KIR2DL3: variants seen among roughly 807,000 people sequenced by gnomAD.
KIR2DL3 encodes the protein killer cell immunoglobulin-like receptor 2DL3.
In KIR2DL3, 39 loss-of-function variants were observed where a neutral mutation model predicts 33.8. The ratio of observed to expected loss-of-function variants is 1.15; its 90% CI spans 0.89 to 1.51. The LOEUF (loss-of-function observed/expected upper bound fraction) is 1.51, where lower values mean the gene tolerates loss of function less well. KIR2DL3 is among the 40% of genes most tolerant of loss of function. KIR2DL3 has a pLI of 0.00. For synonymous variants in KIR2DL3, 174 were observed against 160.2 expected (o/e 1.09, Z -0.65); for missense variants, 462 against 426.2 (o/e 1.08, Z -0.74).
chr19:54,739,623 G>C lies in KIR2DL3; in HGVS notation c.70+81G>C. 2.5e-6 allele frequency: 4 copies of C among 1,610,350 alleles called. No individual in the cohort carries two copies. In the East Asian group the frequency reaches 8.9e-5, roughly 36 times the overall value. On this transcript the variant is annotated intron_variant, in intron 2 of 7. Coordinates refer to ENST00000342376, the MANE Select transcript of KIR2DL3 (RefSeq NM_015868.3). ...GAAACAGGAGGGAAGTCCTGTCGGG[G>C]AGTCTCTCATAAACTAGGAAGAGAG...
At chr19:54,744,874 A>T (rs1165581787) in intron 4 of KIR2DL3, among the ~76,000 whole-genome samples, 9 of 64,406 alleles carry the variant, frequency 1.4e-4, no homozygotes, top group African/African-American at 5.6e-4. Flanking sequence ...ATACATTTAT[A>T]TATATATATA....
At chr19:54,739,257 T>C (rs796764687) in intron 1 of KIR2DL3, among the ~76,000 whole-genome samples, 1 of 92,762 alleles carries the variant, frequency 1.1e-5, no homozygotes, top group African/African-American at 3.7e-5. Flanking sequence ...TGAGCCTGGA[T>C]TGGCGATATG....
intron 1 of KIR2DL3, among the ~76,000 whole-genome samples, chr19:54,739,228 G>T (rs76204398): frequency 0.11 from 9,869 of 93,682 alleles, 360 homozygotes; most frequent in African/African-American, 0.2. Flanking sequence ...ATTGGAGATA[G>T]GGGCCTAGGG....
intron 1 of KIR2DL3, among the ~76,000 whole-genome samples, 164 bp downstream of exon 1, chr19:54,738,743 TATG>T (rs2070281388): frequency 8.1e-6 from 1 of 123,570 alleles, no homozygotes; most frequent in Non-Finnish European, 1.7e-5. Flanking sequence ...GGAGTGGAGA[TATG>T]GGCCTGGAGG....
intron 4 of KIR2DL3, among the ~76,000 whole-genome samples, chr19:54,745,550 G>C (rs779831581): frequency 1.1e-4 from 17 of 150,504 alleles, no homozygotes; most frequent in Non-Finnish European, 1.9e-4. Context: ...TTTTAGTATA[G>C]ATGGGGTTTC....
At position 54,752,754 on chromosome 19, in the gene KIR2DL3, A is replaced by C. The variant is rs1399585896; in HGVS notation, c.*235A>C. ...CCACTGCCTGCTGGAGAGAAAACACACTCCTTTGCTTAGCCCACAATTCTC... is the reference window on the plus strand; with the variant it reads ...CCACTGCCTGCTGGAGAGAAAACACCCTCCTTTGCTTAGCCCACAATTCTC... On this transcript the variant is annotated 3_prime_UTR_variant, in exon 8 of 8. Transcript: ENST00000342376. 12 of 640,074 alleles carry C rather than the reference A, an allele frequency of 1.9e-5. No homozygotes were observed. In the East Asian group the frequency reaches 3.2e-4, roughly 17 times the overall value. The allele number at this position is 640,074 out of a possible 1,614,324, so 39.6% of individuals were successfully genotyped here. A position where few individuals can be genotyped will look rare whatever the true frequency, so the allele number is the denominator to read the frequency against.
In KIR2DL3 at chr19:54,742,070, G is replaced by A. The variant is rs761188803; in HGVS notation, c.161G>A (p.Arg54Lys). 1.9e-6 allele frequency: 3 copies of A among 1,613,126 alleles called. No homozygotes were observed. The highest frequency in any genetic ancestry group is 3.3e-5 in the Admixed American group (2 of 59,920). The change falls in exon 3 of 8, where the codon AGG (arginine) becomes AAG (lysine). Residue 54 changes from arginine (R) to lysine (K), a missense_variant. Transcript: ENST00000342376. ...ATCCTGCAATGTTGGTCAGATGTCA[G>A]GTTTCAGCACTTCCTTCTGCACAGA... ...TVILQCWSDV[R>K]FQHFLLHREG...
rs755986931 is a variant in KIR2DL3 at position 54,751,639 on chromosome 19, C to T, written c.716-10C>T. On this transcript the variant is annotated splice_polypyrimidine_tract_variant and intron_variant, in intron 5 of 7. Transcript: ENST00000342376. The stretch of plus-strand genomic sequence containing the variant: ...GATTAGCTTCTTATTGGTGTCTCCT[C>T]TTCTTCCAGGTAACCCCAGACACCT... 13 of 1,489,214 alleles carry T rather than the reference C, an allele frequency of 8.7e-6. No homozygotes were observed. The highest frequency in any genetic ancestry group is 1.2e-5 in the Non-Finnish European group (13 of 1,094,694). The allele number at this position is 1,489,214 out of a possible 1,614,324, so 92.3% of individuals were successfully genotyped here.
rs145271800 is a variant in KIR2DL3 at position 54,743,828 on chromosome 19, C to T, written c.404C>T (p.Pro135Leu). 534 of 1,611,980 alleles carry T rather than the reference C, an allele frequency of 3.3e-4. 2 individuals are homozygous for T. The African/African-American group carries it at 5.5e-3, about 17-fold the overall frequency. Residue 135 changes from proline to leucine, a missense_variant, in exon 4 of 8, where the codon CCG becomes CTG. Pro to Leu is a moderately conservative substitution (Grantham distance 98). Coordinates refer to ENST00000342376, the MANE Select transcript of KIR2DL3 (RefSeq NM_015868.3). ...GAGAAACCTTCTCTCTCAGCCCAGC[C>T]GGGCCCCACGGTTCTGGCAGGAGAG... Reference protein sequence around the residue: ...LYEKPSLSAQPGPTVLAGESV... With the variant: ...LYEKPSLSAQLGPTVLAGESV...
Position 54,743,998 on chromosome 19 carries a change from C to T in KIR2DL3, c.574C>T (p.His192Tyr). 1 of 1,614,234 alleles carries T rather than the reference C, an allele frequency of 6.2e-7. No individual in the cohort carries two copies. Among genetic ancestry groups the T allele is most frequent in the Non-Finnish European group, 8.5e-7 (1 of 1,180,052 alleles). Reference protein sequence around the residue: ...QADFPLGPATHGGTYRCFGSF... With the variant: ...QADFPLGPATYGGTYRCFGSF... ...CGACTTTCCTCTGGGCCCTGCCACCCACGGAGGAACCTACAGATGCTTCGG... is the reference window on the plus strand; with the variant it reads ...CGACTTTCCTCTGGGCCCTGCCACCTACGGAGGAACCTACAGATGCTTCGG... The change falls in exon 4 of 8, where the codon CAC becomes TAC. Residue 192 changes from histidine (H) to tyrosine (Y), a missense_variant. His to Tyr is a moderately conservative substitution (Grantham distance 83, BLOSUM62 2). Coordinates refer to ENST00000342376, the MANE Select transcript of KIR2DL3 (RefSeq NM_015868.3).
In KIR2DL3 at chr19:54,752,230, G is replaced by C. The variant is rs761915294; in HGVS notation, c.835G>C (p.Asp279His). The change falls in exon 7 of 8, where the codon GAC becomes CAC. Residue 279 changes from aspartate (D) to histidine (H), a missense_variant. Asp to His is a moderately conservative substitution (Grantham distance 81). Coordinates refer to ENST00000342376, the MANE Select transcript of KIR2DL3 (RefSeq NM_015868.3). ...CCNKKNAVVMDQEPAGNRTVN... is the reference protein window; with the variant it reads ...CCNKKNAVVMHQEPAGNRTVN... ...GTCTTCTACAGATGCTGTTGTAATG[G>C]ACCAAGAGCCTGCAGGGAACAGAAC... The C allele has an allele frequency of 2.6e-5, 38 of 1,473,348 alleles. 7 individuals are homozygous for C. Among genetic ancestry groups the C allele is most frequent in the Non-Finnish European group, 2.7e-5 (29 of 1,081,646 alleles). The allele number at this position is 1,473,348 out of a possible 1,614,324, so 91.3% of individuals were successfully genotyped here.
chr19:54,742,345 C>G lies in KIR2DL3; in HGVS notation c.370+66C>G, dbSNP rs1159991457. ...AGTGAATGATCCACGACTTGGAACC[C>G]CCAGGTAGTTGTAAGGAAGATGAGC... On this transcript the variant is annotated intron_variant, in intron 3 of 7. Coordinates refer to ENST00000342376, the MANE Select transcript of KIR2DL3 (RefSeq NM_015868.3). The G allele has an allele frequency of 3.5e-5, 55 of 1,591,990 alleles. No homozygotes were observed. In the Middle Eastern group the frequency reaches 1.0e-3, roughly 30 times the overall value.
rs528403113 is a variant in KIR2DL3 at position 54,747,451 on chromosome 19, C to T, written c.715+66C>T. On this transcript the variant is annotated intron_variant, in intron 5 of 7. Transcript: ENST00000342376. The stretch of plus-strand genomic sequence containing the variant: ...GGGAGGTAGAAACCTTCGATGCAGG[C>T]ATTGACTCAGCATCTCGCAGCTCTG... 26 of 1,550,400 alleles carry T rather than the reference C, an allele frequency of 1.7e-5. No homozygotes were observed. The East Asian group carries it at 4.9e-4, about 29-fold the overall frequency.
At position 54,752,369 on chromosome 19, in the gene KIR2DL3, C is replaced by A; in HGVS notation, c.876C>A (p.Asp292Glu). The change falls in exon 8 of 8, where the codon GAC becomes GAA. Residue 292 changes from aspartate (D) to glutamate (E), a missense_variant and splice_region_variant. Physicochemically the swap from Asp to Glu is conservative, Grantham distance 45. Transcript: ENST00000342376. ...ACTCAGCATTTCCCTCTCTCCAGGA[C>A]TCTGATGAACAAGACCCTCAGGAGG... ...PAGNRTVNRE[D>E]SDEQDPQEVT... The A allele has an allele frequency of 6.9e-7, 1 of 1,453,156 alleles. No individual in the cohort carries two copies. The highest frequency in any genetic ancestry group is 9.3e-7 in the Non-Finnish European group (1 of 1,071,442). 90.0% of individuals were successfully genotyped at this position (1,453,156 alleles called of 1,614,324 possible).
intron 1 of KIR2DL3, among the ~76,000 whole-genome samples, chr19:54,738,908 G>T (rs1639426): frequency 9.0e-6 from 1 of 110,760 alleles, no homozygotes; most frequent in African/African-American, 3.8e-5. Flanking sequence ...TATGGGCCTG[G>T]AGTGGAGATA....
chr19:54,744,934 ATATATATATATATATATATATTTT>A (rs1425043041), intron 4 of KIR2DL3, among the ~76,000 whole-genome samples: 10 of 24,636 alleles, frequency 4.1e-4, no homozygotes, highest in African/African-American at 1.0e-3. Flanking sequence ...ATATATATAT[ATATATATATATATATATATATTTT>A]TTTTTTTTTT....
At chr19:54,748,400 A>G (rs1164667640) in intron 5 of KIR2DL3, among the ~76,000 whole-genome samples, 1,702 of 142,584 alleles carry the variant, frequency 0.012, 36 homozygotes, top group African/African-American at 0.042. Context: ...CTTTCCATGT[A>G]AAATAACATA....
At position 54,752,144 on chromosome 19, in the gene KIR2DL3, T is replaced by C; in HGVS notation, c.821-72T>C. On this transcript the variant is annotated intron_variant, in intron 6 of 7. Transcript: ENST00000342376. ...GGCTCCTATGGTCTCCCCCTGTATG[T>C]TGGTATCTGCTTATGAAATGAGGGC... 6 of 1,399,844 alleles carry C rather than the reference T, an allele frequency of 4.3e-6. 1 individual carries two copies. The highest frequency in any genetic ancestry group is 2.5e-4 in the Middle Eastern group (1 of 4,070). 86.7% of individuals were successfully genotyped at this position (1,399,844 alleles called of 1,614,324 possible).
In KIR2DL3 at chr19:54,743,799, A is replaced by G. The variant is rs552891559; in HGVS notation, c.375A>G (p.Leu125=). 9.5e-5 allele frequency: 152 copies of G among 1,601,802 alleles called. 2 individuals carry two copies. In the Middle Eastern group the frequency reaches 1.6e-3, roughly 16 times the overall value. ...SDPLDIVITG[L]YEKPSLSAQP... ...AAAATGCCTCTTCTCCTCCAGGTCT[A>G]TATGAGAAACCTTCTCTCTCAGCCC... Residue 125 remains leucine, a synonymous_variant, in exon 4 of 8, where the codon CTA becomes CTG. Coordinates refer to ENST00000342376, the MANE Select transcript of KIR2DL3 (RefSeq NM_015868.3).
Sources: gnomAD v4.1 joint callset for allele counts (sites outside exome capture counted in the v4.1 genomes callset) on GRCh38, gnomAD v4.1.1 for gene constraint, MANE v1.5 for transcripts, NCBI Gene and HGNC (gene_info 2026-07-23, HGNC 2026-07-21) for gene names.